The following MCC variants were observed in gnomAD, a reference collection of about 807,000 sequenced individuals.
MCC encodes MCC regulator of Wnt signaling pathway.
A neutral mutation model predicts 116.2 loss-of-function variants in MCC; 90 were observed. The observed-to-expected ratio is 0.77, with a 90% CI of 0.65 to 0.92. The LOEUF (loss-of-function observed/expected upper bound fraction) is 0.92. Ranked by LOEUF, MCC falls within the 40% of genes least tolerant of loss-of-function variation. The pLI, the probability that MCC is intolerant of heterozygous loss-of-function variation, is 0.00. For missense variants in MCC, 1,516 were observed against 1,312.2 expected (o/e 1.16, Z -2.40); for synonymous variants, 578 against 510.5 (o/e 1.13, Z -1.78).
intron 8 of MCC, among the ~76,000 whole-genome samples, chr5:113,092,481 T>C (rs1420247727): frequency 6.6e-6 from 1 of 152,172 alleles, no homozygotes; most frequent in Non-Finnish European, 1.5e-5. Context: ...GATGATAAAT[T>C]TGTGTTGTCT....
intron 17 of MCC, among the ~76,000 whole-genome samples, chr5:113,032,645 T>G (rs761401733): frequency 1.3e-5 from 2 of 152,142 alleles, no homozygotes; most frequent in African/African-American, 2.4e-5. Context: ...CCAGAGCAAC[T>G]CCATCTTAAA....
At chr5:113,288,927 G>T (rs368247762) in intron 3 of MCC, among the ~76,000 whole-genome samples, 50 of 152,258 alleles carry the variant, frequency 3.3e-4, no homozygotes, top group African/African-American at 1.2e-3. Context: ...TCAATATCTG[G>T]GAAGTGCTTA....
intron 11 of MCC, among the ~76,000 whole-genome samples, chr5:113,075,509 T>A (rs1020478788): frequency 6.6e-6 from 1 of 152,140 alleles, no homozygotes; most frequent in Non-Finnish European, 1.5e-5. Flanking sequence ...TTGAGTCGGG[T>A]GGGGTCTTGG....
intron 8 of MCC, among the ~76,000 whole-genome samples, chr5:113,091,433 T>G (rs1192633840): frequency 2.6e-5 from 4 of 152,152 alleles, no homozygotes; most frequent in Non-Finnish European, 5.9e-5. Context: ...GCCAGCAGTC[T>G]GAATCAGGAG....
rs1750366441 is a variant in MCC, at chr5:113,024,181, AGT to A, written c.*3119_*3120del. 6.6e-6 allele frequency: 1 copy of A among 152,242 alleles called. No individual in the cohort carries two copies. Among genetic ancestry groups the A allele is most frequent in the African/African-American group, 2.4e-5 (1 of 41,456 alleles). 9.4% of individuals were successfully genotyped at this position (152,242 alleles called of 1,614,324 possible). On this transcript the variant is annotated 3_prime_UTR_variant, in exon 19 of 19. Coordinates refer to ENST00000408903, the MANE Select transcript of MCC (RefSeq NM_001085377.2). ...ATTGCTGCAGGCTCAGAGAAGACTT[AGT>A]GCATGCATCTGAAAGGAGAATTAAG...
chr5:113,301,337 T>C (rs561272826), intron 3 of MCC, among the ~76,000 whole-genome samples: 115 of 152,116 alleles, frequency 7.6e-4, no homozygotes, highest in African/African-American at 2.6e-3. Flanking sequence ...TGGTGGTGCA[T>C]GCCTGTAATC....
intron 3 of MCC, among the ~76,000 whole-genome samples, chr5:113,176,537 T>G (rs1194214125): frequency 6.6e-6 from 1 of 152,210 alleles, no homozygotes; most frequent in Admixed American, 6.5e-5. Context: ...GGCTCCCTTG[T>G]GCTCCAGGCT....
chr5:113,253,966 A>C (rs759297603), intron 3 of MCC, among the ~76,000 whole-genome samples: 11 of 152,250 alleles, frequency 7.2e-5, no homozygotes, highest in Non-Finnish European at 1.6e-4. Flanking sequence ...GGACAATTTA[A>C]GAGTAAATCC....
intron 5 of MCC, among the ~76,000 whole-genome samples, chr5:113,141,732 G>T (rs557131478): frequency 6.6e-6 from 1 of 152,320 alleles, no homozygotes; most frequent in South Asian, 2.1e-4. Flanking sequence ...ACCAATAAAT[G>T]TTTGTAGTCA....
chr5:113,440,939 A>T (rs1390030691), intron 1 of MCC, among the ~76,000 whole-genome samples: 2 of 152,228 alleles, frequency 1.3e-5, no homozygotes, highest in Admixed American at 6.5e-5. Flanking sequence ...ATGTGTTCAT[A>T]GCATTTTCTC....
At chr5:113,429,260 A>G (rs1368077127) in intron 1 of MCC, among the ~76,000 whole-genome samples, 1 of 151,904 alleles carries the variant, frequency 6.6e-6, no homozygotes, top group Admixed American at 6.5e-5. Flanking sequence ...CTGTAGCCTT[A>G]TATGAAGAGA....
chr5:113,083,052 A>G (rs775119836), intron 10 of MCC, 44 bp from the exon 11 acceptor site: 3 of 1,568,718 alleles, frequency 1.9e-6, no homozygotes, highest in African/African-American at 2.7e-5. Flanking sequence ...ATATCATTTC[A>G]GAGATGCATG....
At chr5:113,203,014 T>G (rs1211139968) in intron 3 of MCC, among the ~76,000 whole-genome samples, 1 of 152,160 alleles carries the variant, frequency 6.6e-6, no homozygotes, top group Non-Finnish European at 1.5e-5. Context: ...CTTTCAGAAC[T>G]TCTGAGCCAC....
chr5:113,218,592 G>T (rs1368537785), intron 3 of MCC, among the ~76,000 whole-genome samples: 1 of 152,068 alleles, frequency 6.6e-6, no homozygotes, highest in Non-Finnish European at 1.5e-5. Context: ...CCAAAGTACG[G>T]GTGTATTTCA....
rs146000577 is a variant in MCC, at chr5:113,406,307, A to C, written c.171-21095T>G. ...TTCCAGCTGAAGGAAAGACATTGCTAGCTTAAGATTGTCTTGGATGAGATC... is the reference window on the plus strand; with the variant it reads ...TTCCAGCTGAAGGAAAGACATTGCTCGCTTAAGATTGTCTTGGATGAGATC... On this transcript the variant is annotated intron_variant, in intron 1 of 18. Transcript: ENST00000408903. Among the ~76,000 whole-genome samples the C allele has an allele frequency of 1.9e-3, 289 of 152,340 alleles. 2 individuals carry two copies. The highest frequency in any genetic ancestry group is 0.013 in the East Asian group (68 of 5,188).
At chr5:113,139,421 G>A (rs149164233) in intron 5 of MCC, among the ~76,000 whole-genome samples, 8 of 152,088 alleles carry the variant, frequency 5.3e-5, no homozygotes, top group African/African-American at 1.9e-4. Context: ...AGTCGTCATC[G>A]GTCCAACTGA....
At chr5:113,450,003 A>G (rs1020036076) in intron 1 of MCC, among the ~76,000 whole-genome samples, 3 of 152,190 alleles carry the variant, frequency 2.0e-5, no homozygotes, top group African/African-American at 7.2e-5. Context: ...TACAGTTTGC[A>G]CAATTGCACA....
chr5:113,347,439 T>C (rs986888795), intron 2 of MCC, among the ~76,000 whole-genome samples: 1 of 152,156 alleles, frequency 6.6e-6, no homozygotes, highest in African/African-American at 2.4e-5. Context: ...TAATGGGTTA[T>C]GTATACATAT....
intron 3 of MCC, chr5:113,269,088 G>C: frequency 1.2e-6 from 1 of 809,960 alleles, no homozygotes; most frequent in Non-Finnish European, 1.5e-6. Context: ...ATATTTGATG[G>C]AGAAGACAGG....
Sources: gnomAD v4.1 joint callset for allele counts (sites outside exome capture counted in the v4.1 genomes callset) on GRCh38, gnomAD v4.1.1 for gene constraint, MANE v1.5 for transcripts, NCBI Gene and HGNC (gene_info 2026-07-23, HGNC 2026-07-21) for gene names.